The following CTNNA2 variants were observed in gnomAD, a reference collection of about 807,000 sequenced individuals.
The protein encoded by CTNNA2 is catenin alpha-2.
CTNNA2 carries 42 observed loss-of-function variants against 101.0 expected under a neutral mutation model. The ratio of observed to expected loss-of-function variants is 0.42; its 90% confidence interval spans 0.32 to 0.54. The LOEUF is 0.54. CTNNA2 is among the 20% of genes least tolerant of loss of function. CTNNA2 has a pLI of 0.14. For missense variants in CTNNA2, 871 were observed against 1,223.1 expected (o/e 0.71, Z 4.29); for synonymous variants, 450 against 456.4 (o/e 0.99, Z 0.18).
chr2:80,496,740 G>C (rs1246167645), intron 9 of CTNNA2, among the ~76,000 whole-genome samples: 4 of 152,128 alleles, frequency 2.6e-5, no homozygotes, highest in Admixed American at 2.0e-4. Flanking sequence ...TGCTGCTAGG[G>C]AGTTTGTAAT....
intron 7 of CTNNA2, among the ~76,000 whole-genome samples, chr2:80,054,057 C>A (rs1002949362): frequency 6.6e-6 from 1 of 152,070 alleles, no homozygotes; most frequent in Non-Finnish European, 1.5e-5. Flanking sequence ...AAAGCTTTGC[C>A]CCCCTTGTGG....
At chr2:80,378,548 A>G (rs971930442) in intron 7 of CTNNA2, 14 of 152,008 alleles carry the variant, frequency 9.2e-5, no homozygotes, top group Admixed American at 2.0e-4. Flanking sequence ...TGTATATATG[A>G]TTAACAAATG....
chr2:79,536,003 T>A (rs561641622), intron 1 of CTNNA2, among the ~76,000 whole-genome samples: 2 of 152,330 alleles, frequency 1.3e-5, no homozygotes, highest in East Asian at 3.9e-4. Flanking sequence ...ATTTATAAGT[T>A]AACTGGATGG....
chr2:80,313,523 G>A, intron 7 of CTNNA2: 1 of 1,600,396 alleles, frequency 6.2e-7, no homozygotes. Context: ...CTAGCTAATT[G>A]AGCAAGACCA....
In CTNNA2 at chr2:80,322,983, C is replaced by T. The variant is rs117249143; in HGVS notation, c.1057-70228C>T. 8.1e-4 allele frequency among the ~76,000 whole-genome samples: 124 copies of T among 152,294 alleles called. 2 individuals carry two copies. In the East Asian group the frequency reaches 0.024, roughly 29 times the overall value. ...ATTTGGGAACAGGCAAAAGGGAGAA[C>T]GGGTATTAACCGGAGAGGAACTCTA... On this transcript the variant is annotated intron_variant, in intron 7 of 18. Coordinates refer to ENST00000402739, the MANE Select transcript of CTNNA2 (RefSeq NM_001282597.3).
At chr2:80,618,669 G>C (rs1699049455) in intron 17 of CTNNA2, 1 of 153,196 alleles carries the variant, frequency 6.5e-6, no homozygotes, top group African/African-American at 2.4e-5. Flanking sequence ...CAGGGCGATG[G>C]AACTTCCAAG....
At chr2:79,542,047 T>C (rs1270727141) in intron 1 of CTNNA2, among the ~76,000 whole-genome samples, 6 of 152,170 alleles carry the variant, frequency 3.9e-5, no homozygotes, top group Admixed American at 3.3e-4. Context: ...TCTTTTTTTT[T>C]CTCTTTAGCT....
intron 11 of CTNNA2, among the ~76,000 whole-genome samples, chr2:80,553,181 G>A (rs1024722268): frequency 8.7e-5 from 13 of 150,118 alleles, no homozygotes; most frequent in African/African-American, 2.0e-4. Context: ...CTGGGATTGC[G>A]TCACTGCACT....
At chr2:80,230,136 A>G (rs940608924) in intron 7 of CTNNA2, among the ~76,000 whole-genome samples, 5 of 152,056 alleles carry the variant, frequency 3.3e-5, no homozygotes, top group Admixed American at 2.6e-4. Context: ...GTGTAAGTAC[A>G]CTCTATGATG....
intron 2 of CTNNA2, among the ~76,000 whole-genome samples, chr2:79,720,439 G>A (rs1558870175): frequency 6.6e-6 from 1 of 151,940 alleles, no homozygotes; most frequent in Non-Finnish European, 1.5e-5. Flanking sequence ...TATGATATTA[G>A]TACTTTGCTA....
At chr2:79,524,109 G>GT (rs1209600015) in intron 1 of CTNNA2, among the ~76,000 whole-genome samples, 1 of 151,864 alleles carries the variant, frequency 6.6e-6, no homozygotes, top group African/African-American at 2.4e-5. Context: ...TGATAATCAG[G>GT]TTATCAATTT....
At chr2:80,564,861 A>G (rs1392071610) in intron 12 of CTNNA2, among the ~76,000 whole-genome samples, 1 of 152,254 alleles carries the variant, frequency 6.6e-6, no homozygotes, top group South Asian at 2.1e-4. Flanking sequence ...CTGGATTCCA[A>G]TTTTCAACTT....
chr2:79,750,213 G>A (rs891317685), intron 3 of CTNNA2, among the ~76,000 whole-genome samples: 5 of 152,194 alleles, frequency 3.3e-5, no homozygotes, highest in East Asian at 1.9e-4. Flanking sequence ...TGTTTACCAC[G>A]AAGATTTTTC....
At chr2:79,868,852 T>C (rs1027635782) in intron 4 of CTNNA2, among the ~76,000 whole-genome samples, 4 of 152,226 alleles carry the variant, frequency 2.6e-5, no homozygotes, top group African/African-American at 9.7e-5. Flanking sequence ...CTTTATTCAC[T>C]CAGGACTGTG....
intron 15 of CTNNA2, among the ~76,000 whole-genome samples, chr2:80,600,400 T>TAA (rs554157591): frequency 6.6e-6 from 1 of 151,320 alleles, no homozygotes; most frequent in Non-Finnish European, 1.5e-5. Context: ...TTAAAAACTG[T>TAA]AAAAAAAAGA....
chr2:80,470,647 A>C (rs1409788500), intron 9 of CTNNA2, among the ~76,000 whole-genome samples: 3 of 152,056 alleles, frequency 2.0e-5, no homozygotes, highest in African/African-American at 7.2e-5. Flanking sequence ...TTGAATACCT[A>C]CTGTGCGCTA....
intron 2 of CTNNA2, among the ~76,000 whole-genome samples, chr2:79,234,054 A>T (rs1287454817): frequency 3.3e-5 from 5 of 150,258 alleles, no homozygotes; most frequent in Non-Finnish European, 7.4e-5. Flanking sequence ...GTTAGTATTG[A>T]TATACAAGAT....
chr2:80,226,192 A>G (rs532924671), intron 7 of CTNNA2, among the ~76,000 whole-genome samples: 101 of 152,326 alleles, frequency 6.6e-4, no homozygotes, highest in African/African-American at 2.3e-3. Context: ...TAGGGTTAAA[A>G]CAGCTCATTT....
chr2:79,830,373 G>A (rs1426550806), intron 3 of CTNNA2, among the ~76,000 whole-genome samples: 3 of 152,170 alleles, frequency 2.0e-5, no homozygotes, highest in African/African-American at 7.2e-5. Context: ...GCCACGCATG[G>A]CAGCATCTGC....
Sources: gnomAD v4.1 joint callset for allele counts (sites outside exome capture counted in the v4.1 genomes callset) on GRCh38, gnomAD v4.1.1 for gene constraint, MANE v1.5 for transcripts, NCBI Gene and HGNC (gene_info 2026-07-23, HGNC 2026-07-21) for gene names.